SDK1: variants seen among roughly 807,000 people sequenced by gnomAD.
The protein encoded by SDK1 is sidekick cell adhesion molecule 1, also known as protein sidekick-1.
A neutral mutation model predicts 245.5 loss-of-function variants in SDK1; 157 were observed. The observed-to-expected ratio is 0.64, with a 90% confidence interval of 0.56 to 0.73. The LOEUF is 0.73. SDK1 is among the 30% of genes least tolerant of loss of function. The probability of loss-of-function intolerance (pLI) is 0.00; values close to 1 mark genes in which losing one functional copy is unlikely to be tolerated. For synonymous variants in SDK1, 1,647 were observed against 1,278.5 expected, an observed-to-expected ratio of 1.29 and a Z score of -6.15; for missense variants, 3,583 against 3,002.3, an observed-to-expected ratio of 1.19 and a Z score of -4.52.
chr7:4,158,280 C>T (rs1780895708), intron 30 of SDK1, among the ~76,000 whole-genome samples, 168 bp from the exon 31 acceptor site: 1 of 152,218 alleles, frequency 6.6e-6, no homozygotes, highest in African/African-American at 2.4e-5. Context: ...GTGATTGGGT[C>T]CGACCCAAGA....
At chr7:3,523,962 C>A (rs1044855022) in intron 1 of SDK1, among the ~76,000 whole-genome samples, 3 of 152,198 alleles carry the variant, frequency 2.0e-5, no homozygotes, top group Non-Finnish European at 4.4e-5. Flanking sequence ...TCCTTTGAGT[C>A]TGGATCCTTG....
intron 1 of SDK1, among the ~76,000 whole-genome samples, chr7:3,332,197 C>T (rs1050784446): frequency 6.6e-6 from 1 of 152,060 alleles, no homozygotes; most frequent in Non-Finnish European, 1.5e-5. Context: ...CCATGGAAAA[C>T]TTTAAAAAAT....
rs367677791 is a variant in SDK1, at chr7:3,323,257, C to T, written c.298+21373C>T. On this transcript the variant is annotated intron_variant, in intron 1 of 44. Coordinates refer to ENST00000404826, the MANE Select transcript of SDK1 (RefSeq NM_152744.4). The stretch of plus-strand genomic sequence containing the variant: ...CTTCAAAAGACGTTATTCATTGTTA[C>T]ATTCCCTGCATCCGGCACAGTACCT... Among the ~76,000 whole-genome samples, 39 of 152,224 alleles carry T rather than the reference C, an allele frequency of 2.6e-4. 1 individual carries two copies. The highest frequency in any genetic ancestry group is 2.4e-3 in the Admixed American group (37 of 15,286).
chr7:3,374,041 A>C (rs776991758), intron 1 of SDK1, among the ~76,000 whole-genome samples: 1 of 152,214 alleles, frequency 6.6e-6, no homozygotes, highest in Non-Finnish European at 1.5e-5. Flanking sequence ...TGCTCTGTAA[A>C]TTAAATGTCA....
rs1012537932 is a variant in SDK1 at position 3,534,620 on chromosome 7, G to T, written c.299-84460G>T. On this transcript the variant is annotated intron_variant, in intron 1 of 44. Transcript: ENST00000404826. ...CTGTGGCTTAGCTTTGCATGTTACTGCTTCCTTTTTTATTTCTCTCGGTCT... is the reference window on the plus strand; with the variant it reads ...CTGTGGCTTAGCTTTGCATGTTACTTCTTCCTTTTTTATTTCTCTCGGTCT... Among the ~76,000 whole-genome samples, 4 of 152,070 alleles carry T rather than the reference G, an allele frequency of 2.6e-5. No individual in the cohort carries two copies. The South Asian group carries it at 8.3e-4, about 32-fold the overall frequency.
At chr7:4,147,054 C>A (rs1279682317) in intron 29 of SDK1, among the ~76,000 whole-genome samples, 1 of 152,230 alleles carries the variant, frequency 6.6e-6, no homozygotes, top group African/African-American at 2.4e-5. Flanking sequence ...CCTCAGCAGC[C>A]CCAGCTCCCA....
chr7:3,464,104 T>A (rs1780915577), intron 1 of SDK1, among the ~76,000 whole-genome samples: 1 of 152,222 alleles, frequency 6.6e-6, no homozygotes, highest in African/African-American at 2.4e-5. Flanking sequence ...ATTCTAAAAA[T>A]ACGCAGTTAT....
chr7:3,649,578 TTAATAA>T (rs1457392706), intron 4 of SDK1, among the ~76,000 whole-genome samples: 2 of 152,068 alleles, frequency 1.3e-5, no homozygotes, highest in East Asian at 1.9e-4. Context: ...AATGTGATCC[TTAATAA>T]TAATAATAAT....
chr7:3,871,654 A>C (rs1231892924), intron 5 of SDK1, among the ~76,000 whole-genome samples: 1 of 152,214 alleles, frequency 6.6e-6, no homozygotes, highest in East Asian at 1.9e-4. Context: ...GGGCAAGAGC[A>C]GAAGCAAGTA....
intron 1 of SDK1, among the ~76,000 whole-genome samples, chr7:3,618,298 C>G (rs1276275438): frequency 6.6e-6 from 1 of 152,150 alleles, no homozygotes; most frequent in African/African-American, 2.4e-5. Context: ...TTACCTTCAC[C>G]CCCGTCGCTA....
At chr7:4,097,871 A>G (rs1371945381) in intron 22 of SDK1, among the ~76,000 whole-genome samples, 2 of 152,298 alleles carry the variant, frequency 1.3e-5, no homozygotes, top group East Asian at 1.9e-4. Context: ...TCATTCGCAC[A>G]TGCACAGGAG....
intron 22 of SDK1, among the ~76,000 whole-genome samples, chr7:4,082,227 C>A (rs1321430838): frequency 6.6e-6 from 1 of 152,024 alleles, no homozygotes; most frequent in African/African-American, 2.4e-5. Flanking sequence ...TGTGAGCTTG[C>A]CTGTATGTCT....
chr7:4,145,954 G>T, intron 29 of SDK1, 38 bp downstream of exon 29: 2 of 1,549,508 alleles, frequency 1.3e-6, no homozygotes, highest in Non-Finnish European at 1.7e-6. Flanking sequence ...TGCAGATGTT[G>T]TGGGCACAGC....
chr7:4,154,924 T>C (rs944000804), intron 30 of SDK1, among the ~76,000 whole-genome samples: 1 of 151,896 alleles, frequency 6.6e-6, no homozygotes, highest in Non-Finnish European at 1.5e-5. Flanking sequence ...CCAAAATCCA[T>C]GCTCTGCCAC....
Position 4,218,423 on chromosome 7 carries a change from A to G in SDK1, c.5540-1686A>G, listed in dbSNP as rs59786872. Among the ~76,000 whole-genome samples, 3 of 152,336 alleles carry G rather than the reference A, an allele frequency of 2.0e-5. No individual in the cohort carries two copies. In the East Asian group the frequency reaches 5.8e-4, roughly 29 times the overall value. On this transcript the variant is annotated intron_variant, in intron 38 of 44. Coordinates refer to ENST00000404826, the MANE Select transcript of SDK1 (RefSeq NM_152744.4). ...AAAAAAGCCAAAATTGCTCTGAAAT[A>G]ATTCGGAAGAAAATAATTTAGCTGA...
chr7:3,339,370 A>G (rs1244080828), intron 1 of SDK1, among the ~76,000 whole-genome samples: 3 of 152,208 alleles, frequency 2.0e-5, no homozygotes, highest in Admixed American at 6.5e-5. Context: ...CTTAAACACC[A>G]TATTCTTAGC....
rs138011826 is a variant in SDK1 at position 3,962,839 on chromosome 7, C to G, written c.1417C>G (p.Leu473Val). 5.0e-6 allele frequency: 8 copies of G among 1,611,926 alleles called. No homozygotes were observed. The highest frequency in any genetic ancestry group is 2.7e-5 in the African/African-American group (2 of 74,886). The change falls in exon 9 of 45, where the codon CTG (leucine) becomes GTG (valine). Residue 473 changes from leucine to valine, a missense_variant. Coordinates refer to ENST00000404826, the MANE Select transcript of SDK1 (RefSeq NM_152744.4). ...EGGEIQTHTY[L>V]DVTNIAPVFT... ...AGGGGAGATCCAGACCCACACCTAC[C>G]TGGATGTAACCAGTGAGTACACCCA...
At chr7:3,510,713 C>T (rs183507029) in intron 1 of SDK1, among the ~76,000 whole-genome samples, 2 of 152,098 alleles carry the variant, frequency 1.3e-5, no homozygotes, top group Non-Finnish European at 2.9e-5. Context: ...GATAGCAGTT[C>T]TCAGAGAGAA....
rs556451889 is a variant in SDK1 at position 3,557,531 on chromosome 7, C to T, written c.299-61549C>T. Among the ~76,000 whole-genome samples, 15 of 152,270 alleles carry T rather than the reference C, an allele frequency of 9.9e-5. No homozygotes were observed. In the East Asian group the frequency reaches 2.3e-3, roughly 24 times the overall value. The stretch of plus-strand genomic sequence containing the variant: ...GTGGTGATGGACACAGGAACCCACA[C>T]ATGTGCTAACATTTTATAGAATTAA... On this transcript the variant is annotated intron_variant, in intron 1 of 44. Transcript: ENST00000404826.
Sources: gnomAD v4.1 joint callset for allele counts (sites outside exome capture counted in the v4.1 genomes callset) on GRCh38, gnomAD v4.1.1 for gene constraint, MANE v1.5 for transcripts, NCBI Gene and HGNC (gene_info 2026-07-23, HGNC 2026-07-21) for gene names.